The following SYNE2 variants were observed in gnomAD, a reference collection of about 807,000 sequenced individuals.
SYNE2 encodes the protein spectrin repeat containing nuclear envelope protein 2.
SYNE2 carries 431 observed loss-of-function variants against 856.3 expected under a neutral mutation model. The ratio of observed to expected loss-of-function variants is 0.50; its 90% confidence interval spans 0.47 to 0.55. The LOEUF (loss-of-function observed/expected upper bound fraction) is 0.55, where lower values mean the gene tolerates loss of function less well. Ranked by LOEUF, SYNE2 falls within the 20% of genes least tolerant of loss-of-function variation. SYNE2 has a pLI of 0.00. For synonymous variants in SYNE2, 2,923 were observed against 2,872.3 expected (o/e 1.02, Z -0.56); for missense variants, 8,129 against 8,023.2 (o/e 1.01, Z -0.50).
At position 64,212,890 on chromosome 14, in the gene SYNE2, G is replaced by T. The variant is rs548600640; in HGVS notation, c.18941G>T (p.Ser6314Ile). 48 of 1,614,210 alleles carry T rather than the reference G, an allele frequency of 3.0e-5. No individual in the cohort carries two copies. In the South Asian group the frequency reaches 4.6e-4, roughly 16 times the overall value. Residue 6314 changes from serine to isoleucine, a missense_variant, in exon 105 of 116, where the codon AGC (serine) becomes ATC (isoleucine). This residue lies in a region of SYNE2 where 5,410 missense variants were observed against 5,284.8 expected (regional missense o/e 1.02). Coordinates refer to ENST00000555002, the MANE Select transcript of SYNE2 (RefSeq NM_182914.3). The part of the protein sequence containing the change: ...IVFGEQLIQK[S>I]EPLDAVLIED... ...TTTGGGGAGCAGCTGATTCAGAAGAGCGAGCCCCTGGATGCTGTGCTGATT... is the reference window on the plus strand; with the variant it reads ...TTTGGGGAGCAGCTGATTCAGAAGATCGAGCCCCTGGATGCTGTGCTGATT...
At chr14:64,041,313 G>T (rs888501085) in intron 45 of SYNE2, among the ~76,000 whole-genome samples, 3 of 151,950 alleles carry the variant, frequency 2.0e-5, no homozygotes, top group African/African-American at 7.3e-5. Flanking sequence ...AGCCTAAACA[G>T]GAAAAGAGAG....
chr14:64,162,743 ATTG>A, intron 88 of SYNE2: 1 of 258,802 alleles, frequency 3.9e-6, no homozygotes, highest in East Asian at 9.4e-5. Context: ...TTTTTCTATT[ATTG>A]TTAATGAACG....
chr14:63,850,877 A>C (rs1050059253), upstream of SYNE2, among the ~76,000 whole-genome samples: 4 of 152,222 alleles, frequency 2.6e-5, no homozygotes, highest in Non-Finnish European at 5.9e-5. Flanking sequence ...AGAGACTGTT[A>C]CCATTATGAT....
At chr14:63,848,505 G>A (rs1247627482), upstream of SYNE2, 2 of 152,168 alleles carry the variant, frequency 1.3e-5, no homozygotes, top group African/African-American at 4.8e-5. Context: ...TGAGCAATAT[G>A]ATTAATGCAT....
intron 84 of SYNE2, 67 bp downstream of exon 84, chr14:64,146,290 G>A (rs1327213061): frequency 1.2e-5 from 17 of 1,434,930 alleles, no homozygotes; most frequent in Admixed American, 6.9e-5. Flanking sequence ...CTCTTGCCCC[G>A]AGGATAAGTT....
intron 1 of SYNE2, among the ~76,000 whole-genome samples, chr14:63,846,785 C>T (rs1890240213): frequency 6.6e-6 from 1 of 151,484 alleles, no homozygotes; most frequent in African/African-American, 2.4e-5. Flanking sequence ...TTAGTAGAGA[C>T]GAGGTTTCAC....
chr14:64,199,606 T>A (rs2098552964), intron 99 of SYNE2, among the ~76,000 whole-genome samples: 1 of 151,018 alleles, frequency 6.6e-6, no homozygotes, highest in South Asian at 2.1e-4. Flanking sequence ...TAATCCCAGC[T>A]ACTCAGGAGT....
intron 1 of SYNE2, among the ~76,000 whole-genome samples, chr14:63,833,587 C>T (rs1044543827): frequency 6.6e-6 from 1 of 152,158 alleles, no homozygotes; most frequent in Non-Finnish European, 1.5e-5. Flanking sequence ...ACTGTTTATC[C>T]GTTCCTTGAA....
intron 99 of SYNE2, among the ~76,000 whole-genome samples, chr14:64,191,405 A>G (rs751387527): frequency 3.3e-5 from 5 of 152,092 alleles, no homozygotes; most frequent in African/African-American, 4.8e-5. Context: ...TCTTCCTGGG[A>G]TTAGGAAGAG....
chr14:63,784,394 G>A (rs1416220277), intron 1 of SYNE2, among the ~76,000 whole-genome samples: 2 of 152,098 alleles, frequency 1.3e-5, no homozygotes, highest in African/African-American at 2.4e-5. Flanking sequence ...CTGGTCGGGA[G>A]GCTGAGGCAG....
At chr14:64,102,745 A>T (rs1051946207) in intron 64 of SYNE2, among the ~76,000 whole-genome samples, 2 of 151,910 alleles carry the variant, frequency 1.3e-5, no homozygotes, top group Admixed American at 6.6e-5. Context: ...GATTCTCTTG[A>T]ACTTATTCCT....
At chr14:63,910,742 G>A (rs75805098) in intron 2 of SYNE2, among the ~76,000 whole-genome samples, 1,830 of 152,244 alleles carry the variant, frequency 0.012, 33 homozygotes, top group African/African-American at 0.042. Flanking sequence ...TTCCCACACT[G>A]CAGCTGCATT....
chr14:63,987,776 T>A (rs545235094), intron 19 of SYNE2, among the ~76,000 whole-genome samples: 118 of 147,066 alleles, frequency 8.0e-4, no homozygotes, highest in Middle Eastern at 3.6e-3. Flanking sequence ...ATTTTTTAAA[T>A]AATTTAAAAA....
At chr14:64,219,131 C>G in intron 109 of SYNE2, 77 bp from the exon 110 acceptor site, 1 of 1,021,330 alleles carries the variant, frequency 9.8e-7, no homozygotes, top group Non-Finnish European at 1.4e-6. Context: ...TTTTAACCAC[C>G]CTGACCCCTA....
chr14:63,897,362 A>G (rs1033411949), intron 1 of SYNE2, among the ~76,000 whole-genome samples: 6 of 152,136 alleles, frequency 3.9e-5, no homozygotes, highest in African/African-American at 1.2e-4. Flanking sequence ...TCTGATATCT[A>G]TCCATGCTGA....
At chr14:64,106,027 G>T (rs2097768741) in intron 64 of SYNE2, among the ~76,000 whole-genome samples, 1 of 150,272 alleles carries the variant, frequency 6.7e-6, no homozygotes, top group Admixed American at 6.6e-5. Flanking sequence ...CCACAGCCTG[G>T]TGACAGAGTG....
chr14:63,771,066 C>CTTTTTT (rs770101693), intron 1 of SYNE2, among the ~76,000 whole-genome samples: 13 of 116,326 alleles, frequency 1.1e-4, no homozygotes, highest in African/African-American at 2.1e-4. Context: ...CTTATACACT[C>CTTTTTT]TTTTTTTTTT....
At chr14:64,130,597 T>G (rs1266314713) in intron 76 of SYNE2, among the ~76,000 whole-genome samples, 1 of 152,198 alleles carries the variant, frequency 6.6e-6, no homozygotes. Context: ...TAGAAAAGGC[T>G]TTCCTGGCCA....
Position 64,017,222 on chromosome 14 carries a change from G to A in SYNE2, c.4888-373G>A, listed in dbSNP as rs1018779308. Among the ~76,000 whole-genome samples the A allele has an allele frequency of 4.6e-5, 7 of 151,106 alleles. No homozygotes were observed. In the South Asian group the frequency reaches 8.4e-4, roughly 18 times the overall value. ...TGCATGCCTGTAATCTCAACTACAC[G>A]GGAGGCTGAGGCAGGAGAATGGCGT... On this transcript the variant is annotated intron_variant, in intron 33 of 115. Transcript: ENST00000555002.
Sources: allele counts gnomAD v4.1 joint callset (sites outside exome capture counted in the v4.1 genomes callset), GRCh38; gene constraint gnomAD v4.1.1; regional missense constraint gnomAD v4.1.1; transcripts MANE v1.5; gene names NCBI Gene and HGNC (gene_info 2026-07-23, HGNC 2026-07-21).